AGBL1: variants seen among roughly 807,000 people sequenced by gnomAD.
AGBL1 encodes the protein AGBL carboxypeptidase 1, also known as cytosolic carboxypeptidase 4.
In AGBL1, 130 loss-of-function variants were observed where a neutral mutation model predicts 118.9. The ratio of observed to expected loss-of-function variants is 1.09; its 90% CI spans 0.95 to 1.26. The LOEUF (loss-of-function observed/expected upper bound fraction) is 1.26. Among genes scored for constraint, AGBL1 ranks in the 50% most tolerant of loss-of-function variants. AGBL1 has a pLI of 0.00. For synonymous variants in AGBL1, 555 were observed against 478.9 expected (o/e 1.16, Z -2.08); for missense variants, 1,584 against 1,298.1 (o/e 1.22, Z -3.38).
chr15:86,518,240 T>A (rs562989755), intron 18 of AGBL1, among the ~76,000 whole-genome samples: 3 of 152,164 alleles, frequency 2.0e-5, no homozygotes, highest in African/African-American at 7.2e-5. Flanking sequence ...GGAGTTCTGG[T>A]AGTTCAGGAT....
At chr15:86,891,981 T>A (rs1191129048) in intron 22 of AGBL1, among the ~76,000 whole-genome samples, 2 of 152,188 alleles carry the variant, frequency 1.3e-5, no homozygotes, top group African/African-American at 4.8e-5. Flanking sequence ...AATGCTAAAC[T>A]TTTAGCTATT....
At chr15:86,679,324 A>G (rs895051737) in intron 22 of AGBL1, among the ~76,000 whole-genome samples, 7 of 152,096 alleles carry the variant, frequency 4.6e-5, no homozygotes, top group Non-Finnish European at 8.8e-5. Context: ...TTTAATCTCA[A>G]TATTTAAAAA....
chr15:86,905,292 T>G (rs1458418514), intron 22 of AGBL1, among the ~76,000 whole-genome samples: 1 of 152,238 alleles, frequency 6.6e-6, no homozygotes, highest in Non-Finnish European at 1.5e-5. Context: ...TAAGCAAGAC[T>G]GACCTTGTTG....
intron 23 of AGBL1, among the ~76,000 whole-genome samples, chr15:86,947,724 ATGAC>A (rs1334681312): frequency 6.6e-6 from 1 of 152,208 alleles, no homozygotes; most frequent in Non-Finnish European, 1.5e-5. Context: ...TAGCAGCTGA[ATGAC>A]TGAGGGCAAG....
At chr15:86,279,608 A>T (rs1567174606) in intron 15 of AGBL1, 31 bp from the exon 16 acceptor site, 1 of 1,604,506 alleles carries the variant, frequency 6.2e-7, no homozygotes, top group Non-Finnish European at 8.5e-7. Flanking sequence ...CCTCTCCCTT[A>T]TTCTCTTCTC....
intron 17 of AGBL1, among the ~76,000 whole-genome samples, chr15:86,364,352 T>C (rs1249043933): frequency 6.6e-6 from 1 of 152,224 alleles, no homozygotes; most frequent in Non-Finnish European, 1.5e-5. Context: ...ACTGTTATTA[T>C]AATTTGATAG....
intron 1 of AGBL1, among the ~76,000 whole-genome samples, chr15:86,137,980 A>G (rs1017395577): frequency 6.6e-6 from 1 of 152,238 alleles, no homozygotes; most frequent in African/African-American, 2.4e-5. Flanking sequence ...GAAGTATAGA[A>G]GACAATGCTT....
intron 21 of AGBL1, among the ~76,000 whole-genome samples, chr15:86,562,508 G>A (rs1359032001): frequency 6.6e-6 from 1 of 152,120 alleles, no homozygotes; most frequent in East Asian, 1.9e-4. Context: ...TGATCATGGT[G>A]GATAAGCTTT....
chr15:86,809,666 G>GAA (rs2078762390), intron 22 of AGBL1, among the ~76,000 whole-genome samples: 1 of 152,176 alleles, frequency 6.6e-6, no homozygotes, highest in Non-Finnish European at 1.5e-5. Context: ...GGAAGAATGT[G>GAA]TCAAGTTGGG....
At chr15:86,206,736 A>G (rs1218658823) in intron 5 of AGBL1, among the ~76,000 whole-genome samples, 1 of 152,170 alleles carries the variant, frequency 6.6e-6, no homozygotes, top group Non-Finnish European at 1.5e-5. Context: ...GTAGATTGCA[A>G]AAATTTTCTC....
chr15:86,278,745 C>T (rs1157927740), intron 15 of AGBL1, among the ~76,000 whole-genome samples: 1 of 152,130 alleles, frequency 6.6e-6, no homozygotes. Flanking sequence ...TATAATGCAG[C>T]CTTGATGATA....
intron 17 of AGBL1, among the ~76,000 whole-genome samples, chr15:86,353,555 A>G (rs1567213660): frequency 6.6e-6 from 1 of 152,194 alleles, no homozygotes; most frequent in Non-Finnish European, 1.5e-5. Context: ...CAATTTCTTC[A>G]CATTTAGAAA....
intron 21 of AGBL1, among the ~76,000 whole-genome samples, chr15:86,560,183 C>A (rs57055045): frequency 0.29 from 43,738 of 151,450 alleles, 7,554 homozygotes; most frequent in East Asian, 0.55. Context: ...GGTACATGTG[C>A]ACAACAGGCA....
At chr15:86,848,986 G>T (rs1043419287) in intron 22 of AGBL1, among the ~76,000 whole-genome samples, 1 of 152,132 alleles carries the variant, frequency 6.6e-6, no homozygotes, top group Admixed American at 6.6e-5. Context: ...AAAGCAACCT[G>T]CCTAAAATAA....
chr15:86,385,053 C>T (rs1450229265), intron 17 of AGBL1, among the ~76,000 whole-genome samples: 3 of 152,070 alleles, frequency 2.0e-5, no homozygotes, highest in African/African-American at 4.8e-5. Context: ...CAGCCACGAG[C>T]CTCCTGAGGC....
intron 22 of AGBL1, among the ~76,000 whole-genome samples, chr15:86,807,633 T>C (rs189611008): frequency 6.6e-4 from 101 of 152,188 alleles, no homozygotes; most frequent in African/African-American, 2.3e-3. Flanking sequence ...TGTGTTGACC[T>C]TGGAGCCATG....
intron 22 of AGBL1, among the ~76,000 whole-genome samples, chr15:86,728,650 T>C (rs984382192): frequency 6.6e-6 from 1 of 152,254 alleles, no homozygotes; most frequent in East Asian, 1.9e-4. Context: ...GTTTTGTTTT[T>C]TAAAATACTA....
At chr15:86,679,725 A>G (rs893595368) in intron 22 of AGBL1, among the ~76,000 whole-genome samples, 3 of 152,142 alleles carry the variant, frequency 2.0e-5, no homozygotes, top group Non-Finnish European at 4.4e-5. Context: ...CATTATTACT[A>G]TATTTTCTTA....
At chr15:86,177,548 T>C (rs997102656) in intron 5 of AGBL1, among the ~76,000 whole-genome samples, 1 of 152,194 alleles carries the variant, frequency 6.6e-6, no homozygotes, top group Admixed American at 6.5e-5. Context: ...TTATGAACCA[T>C]AAAGCCAGTC....
Sources: allele counts gnomAD v4.1 joint callset (sites outside exome capture counted in the v4.1 genomes callset), GRCh38; gene constraint gnomAD v4.1.1; transcripts MANE v1.5; gene names NCBI Gene and HGNC (gene_info 2026-07-23, HGNC 2026-07-21).